AKAP6: variants seen among roughly 807,000 people sequenced by gnomAD.
AKAP6 encodes the protein A-kinase anchor protein 6.
A neutral mutation model predicts 188.5 loss-of-function variants in AKAP6; 58 were observed. The observed-to-expected ratio is 0.31, with a 90% confidence interval of 0.25 to 0.38. The LOEUF is 0.38. AKAP6 is among the 10% of genes least tolerant of loss of function. AKAP6 has a pLI of 1.00. For synonymous variants in AKAP6, 989 were observed against 998.6 expected, an observed-to-expected ratio of 0.99 and a Z score of 0.18; for missense variants, 2,710 against 2,740.0, an observed-to-expected ratio of 0.99 and a Z score of 0.24.
At chr14:32,508,831 C>CT (rs200344461) in intron 2 of AKAP6, among the ~76,000 whole-genome samples, 17,006 of 146,014 alleles carry the variant, frequency 0.12, 1,052 homozygotes, top group African/African-American at 0.16. Context: ...TGAGTACCTA[C>CT]TTTTTTTTTT....
chr14:32,803,183 C>G (rs1408125131), intron 12 of AKAP6, among the ~76,000 whole-genome samples: 1 of 151,722 alleles, frequency 6.6e-6, no homozygotes, highest in East Asian at 1.9e-4. Flanking sequence ...GTGGCTCATG[C>G]CTGTAATCCC....
chr14:32,747,905 G>A (rs1353719938), intron 11 of AKAP6, among the ~76,000 whole-genome samples: 1 of 152,190 alleles, frequency 6.6e-6, no homozygotes, highest in Non-Finnish European at 1.5e-5. Context: ...AGATACAGCT[G>A]TGTACTCATT....
At chr14:32,713,139 A>G (rs551019580) in intron 9 of AKAP6, among the ~76,000 whole-genome samples, 1 of 152,174 alleles carries the variant, frequency 6.6e-6, no homozygotes. Flanking sequence ...GACCCAGTGC[A>G]TTGTCAACGA....
In AKAP6 at chr14:32,723,451, A is replaced by T. The variant is rs115962660; in HGVS notation, c.3001-9003A>T. On this transcript the variant is annotated intron_variant, in intron 9 of 13. Transcript: ENST00000280979. Reference sequence around the variant, plus strand: ...GATATTATAAAGTAGTTGCCTGCAGATTCATATCCAGAGACATAGTTTGAT... The same window carrying T: ...GATATTATAAAGTAGTTGCCTGCAGTTTCATATCCAGAGACATAGTTTGAT... Among the ~76,000 whole-genome samples the T allele has an allele frequency of 3.5e-3, 539 of 152,220 alleles. 6 individuals are homozygous for T. Among genetic ancestry groups the T allele is most frequent in the African/African-American group, 0.012 (516 of 41,532 alleles).
chr14:32,582,903 A>C (rs1302014787), intron 5 of AKAP6, among the ~76,000 whole-genome samples: 1 of 152,054 alleles, frequency 6.6e-6, no homozygotes, highest in Non-Finnish European at 1.5e-5. Flanking sequence ...AATTTTTTTC[A>C]AAGTTTTTAA....
At chr14:32,455,971 G>A (rs1488701560) in intron 2 of AKAP6, among the ~76,000 whole-genome samples, 4 of 152,108 alleles carry the variant, frequency 2.6e-5, no homozygotes, top group African/African-American at 9.7e-5. Flanking sequence ...TTGATTAGAA[G>A]AAGGGATTTT....
At chr14:32,510,380 G>GCA (rs377695966) in intron 2 of AKAP6, among the ~76,000 whole-genome samples, 3 of 95,396 alleles carry the variant, frequency 3.1e-5, no homozygotes, top group African/African-American at 1.2e-4. Context: ...ATATATATGT[G>GCA]TATATATATA....
intron 2 of AKAP6, among the ~76,000 whole-genome samples, chr14:32,483,372 A>G (rs992688829): frequency 1.6e-4 from 24 of 152,102 alleles, no homozygotes; most frequent in Non-Finnish European, 2.1e-4. Context: ...TTTGCTGTTT[A>G]TCTTTTAACT....
intron 11 of AKAP6, among the ~76,000 whole-genome samples, chr14:32,739,284 T>A (rs936585185): frequency 1.4e-5 from 2 of 144,614 alleles, no homozygotes; most frequent in Admixed American, 6.7e-5. Context: ...AGCACATGAG[T>A]TTTTTTGTTA....
At chr14:32,371,213 T>C (rs112418483) in intron 1 of AKAP6, among the ~76,000 whole-genome samples, 3,243 of 152,310 alleles carry the variant, frequency 0.021, 115 homozygotes, top group African/African-American at 0.073. Context: ...TTTATAGAGC[T>C]AGAACACACA....
At chr14:32,481,592 G>T (rs1012494838) in intron 2 of AKAP6, among the ~76,000 whole-genome samples, 1 of 152,108 alleles carries the variant, frequency 6.6e-6, no homozygotes, top group South Asian at 2.1e-4. Flanking sequence ...GATCTTATGA[G>T]ACTTATTCAT....
At chr14:32,359,562 C>CTT (rs36076715) in intron 1 of AKAP6, among the ~76,000 whole-genome samples, 155 of 143,550 alleles carry the variant, frequency 1.1e-3, no homozygotes, top group African/African-American at 2.6e-3. Flanking sequence ...ACTGCATAGA[C>CTT]TTTTTTTTTT....
At chr14:32,805,441 A>C (rs912489996) in intron 12 of AKAP6, among the ~76,000 whole-genome samples, 4 of 152,050 alleles carry the variant, frequency 2.6e-5, no homozygotes, top group Admixed American at 2.0e-4. Flanking sequence ...TGGGTGGGGA[A>C]GGGGAGACCT....
chr14:32,524,791 A>G (rs1882038227), intron 2 of AKAP6, among the ~76,000 whole-genome samples: 1 of 152,236 alleles, frequency 6.6e-6, no homozygotes, highest in African/African-American at 2.4e-5. Flanking sequence ...CCACTTCAGC[A>G]TCAGTCAGCC....
At chr14:32,539,878 A>G (rs1431426625) in intron 3 of AKAP6, among the ~76,000 whole-genome samples, 1 of 151,992 alleles carries the variant, frequency 6.6e-6, no homozygotes, top group African/African-American at 2.4e-5. Context: ...GTCCATGTAG[A>G]CTAACATGTA....
At chr14:32,715,869 AG>A (rs1469299921) in intron 9 of AKAP6, among the ~76,000 whole-genome samples, 1 of 151,954 alleles carries the variant, frequency 6.6e-6, no homozygotes, top group Non-Finnish European at 1.5e-5. Flanking sequence ...AAAAGAGATG[AG>A]AAAAGTTATG....
intron 7 of AKAP6, among the ~76,000 whole-genome samples, chr14:32,608,797 T>C (rs1886234132): frequency 6.6e-6 from 1 of 152,196 alleles, no homozygotes; most frequent in African/African-American, 2.4e-5. Context: ...ATCTCACATT[T>C]TGTACCTCAG....
At chr14:32,330,276 G>A (rs753683580) in intron 1 of AKAP6, among the ~76,000 whole-genome samples, 1 of 152,066 alleles carries the variant, frequency 6.6e-6, no homozygotes, top group Non-Finnish European at 1.5e-5. Context: ...AGGGATTACA[G>A]ACCTCTGGAC....
intron 1 of AKAP6, among the ~76,000 whole-genome samples, chr14:32,350,141 C>A (rs769229024): frequency 6.6e-6 from 1 of 152,134 alleles, no homozygotes; most frequent in African/African-American, 2.4e-5. Context: ...GTGGGCTAGA[C>A]TTAGTGACTT....
Sources: gnomAD v4.1 joint callset for allele counts (sites outside exome capture counted in the v4.1 genomes callset) on GRCh38, gnomAD v4.1.1 for gene constraint, MANE v1.5 for transcripts, NCBI Gene and HGNC (gene_info 2026-07-23, HGNC 2026-07-21) for gene names.